CDCP1: variants seen among roughly 807,000 people sequenced by gnomAD.
CDCP1 encodes the protein CUB domain-containing protein 1.
A neutral mutation model predicts 60.2 loss-of-function variants in CDCP1; 29 were observed. The observed-to-expected ratio is 0.48, with a 90% CI of 0.36 to 0.66. The LOEUF is 0.66. CDCP1 is among the 30% of genes least tolerant of loss of function. The pLI is 0.00. For synonymous variants in CDCP1, 387 were observed against 431.1 expected, an observed-to-expected ratio of 0.90 and a Z score of 1.27; for missense variants, 876 against 1,074.3, an observed-to-expected ratio of 0.82 and a Z score of 2.58.
chr3:45,092,916 G>A (rs564161446), intron 6 of CDCP1, among the ~76,000 whole-genome samples: 9 of 152,272 alleles, frequency 5.9e-5, no homozygotes, highest in African/African-American at 1.9e-4. Context: ...AAAAATGTCT[G>A]CCTAAGGATT....
chr3:45,130,396 C>G (rs974897479), intron 1 of CDCP1, among the ~76,000 whole-genome samples: 4 of 152,184 alleles, frequency 2.6e-5, no homozygotes, highest in Non-Finnish European at 4.4e-5. Context: ...GCTGGGATTA[C>G]AGGCTTGAGG....
chr3:45,145,842 G>C (rs1487984893), intron 1 of CDCP1, among the ~76,000 whole-genome samples: 1 of 152,138 alleles, frequency 6.6e-6, no homozygotes, highest in Non-Finnish European at 1.5e-5. Context: ...TGGGGCGCAC[G>C]GCGCGCCACC....
At chr3:45,093,730 C>T (rs1576079834) in intron 5 of CDCP1, 73 bp from the exon 6 acceptor site, 1 of 1,525,424 alleles carries the variant, frequency 6.6e-7, no homozygotes. Flanking sequence ...CTCCCGTCAG[C>T]CTGAGGTTGG....
At position 45,137,350 on chromosome 3, in the gene CDCP1, C is replaced by T. The variant is rs192337105; in HGVS notation, c.82+8856G>A. On this transcript the variant is annotated intron_variant, in intron 1 of 8. Transcript: ENST00000296129. ...CAAGGAGGGGAAGATGCCAGTGGGA[C>T]ATACCTTCCCACCAGTATTCCAGGT... Among the ~76,000 whole-genome samples, 357 of 152,266 alleles carry T rather than the reference C, an allele frequency of 2.3e-3. 2 individuals carry two copies. The highest frequency in any genetic ancestry group is 8.3e-3 in the African/African-American group (345 of 41,560).
intron 1 of CDCP1, among the ~76,000 whole-genome samples, chr3:45,120,560 A>C (rs1458965962): frequency 6.6e-6 from 1 of 152,176 alleles, no homozygotes; most frequent in African/African-American, 2.4e-5. Context: ...AACTGGAAGA[A>C]TTCCCAACTA....
rs543004804 is a variant in CDCP1, at chr3:45,096,217, T to C, written c.1025-649A>G. Among the ~76,000 whole-genome samples, 3 of 152,314 alleles carry C rather than the reference T, an allele frequency of 2.0e-5. No individual in the cohort carries two copies. The South Asian group carries it at 6.2e-4, about 32-fold the overall frequency. ...GGAACCAAACAGTGTGACATGGCCA[T>C]GAGTGCCCACGTTTAACTGCAGCAC... On this transcript the variant is annotated intron_variant, in intron 4 of 8. Transcript: ENST00000296129.
At chr3:45,140,690 T>G (rs1699274181) in intron 1 of CDCP1, among the ~76,000 whole-genome samples, 2 of 152,214 alleles carry the variant, frequency 1.3e-5, no homozygotes, top group African/African-American at 4.8e-5. Flanking sequence ...CACGCAGACC[T>G]ACTCAAGACC....
At chr3:45,117,117 T>C (rs1322068142) in intron 2 of CDCP1, among the ~76,000 whole-genome samples, 1 of 152,216 alleles carries the variant, frequency 6.6e-6, no homozygotes, top group South Asian at 2.1e-4. Context: ...CCTTTTACTT[T>C]TGAATTCCTT....
chr3:45,145,846 C>T (rs1189371217), intron 1 of CDCP1, among the ~76,000 whole-genome samples: 2 of 152,144 alleles, frequency 1.3e-5, no homozygotes, highest in East Asian at 1.9e-4. Flanking sequence ...GCGCACGGCG[C>T]GCCACCTTGG....
intron 2 of CDCP1, among the ~76,000 whole-genome samples, chr3:45,117,520 C>A (rs189010887): frequency 2.8e-4 from 42 of 152,214 alleles, no homozygotes; most frequent in Admixed American, 9.2e-4. Context: ...CCAAACCCAA[C>A]TCCATCATTC....
Position 45,115,305 on chromosome 3 carries a change from T to C in CDCP1, c.293-2860A>G, listed in dbSNP as rs79613251. Among the ~76,000 whole-genome samples, 129 of 152,318 alleles carry C rather than the reference T, an allele frequency of 8.5e-4. 2 individuals are homozygous for C. The East Asian group carries it at 0.019, about 23-fold the overall frequency. The stretch of plus-strand genomic sequence containing the variant: ...TCACCTGTTCCCCTCTGCCATCCCC[T>C]ATAGAGTAGTATAAAGTTAGAATTT... On this transcript the variant is annotated intron_variant, in intron 2 of 8. Coordinates refer to ENST00000296129, the MANE Select transcript of CDCP1 (RefSeq NM_022842.5).
intron 2 of CDCP1, among the ~76,000 whole-genome samples, chr3:45,115,104 GGT>G (rs1698761540): frequency 6.6e-6 from 1 of 151,886 alleles, no homozygotes; most frequent in African/African-American, 2.4e-5. Context: ...TGGGTGTGGT[GGT>G]GTGTGCCCAG....
intron 1 of CDCP1, among the ~76,000 whole-genome samples, chr3:45,145,720 T>G (rs1287521837): frequency 6.6e-6 from 1 of 152,078 alleles, no homozygotes; most frequent in African/African-American, 2.4e-5. Context: ...GTGAAAGCAC[T>G]TTTTTTGCAC....
chr3:45,126,122 CTT>C lies in CDCP1; in HGVS notation c.83-7503_83-7502del, dbSNP rs1242260438. Among the ~76,000 whole-genome samples the C allele has an allele frequency of 8.9e-5, 12 of 135,346 alleles. No individual in the cohort carries two copies. The East Asian group carries it at 2.6e-3, about 29-fold the overall frequency. The allele number at this position is 135,346 out of a possible 152,430, so 88.8% of individuals were successfully genotyped here. A position where few individuals can be genotyped will look rare whatever the true frequency, so the allele number is the denominator to read the frequency against. On this transcript the variant is annotated intron_variant, in intron 1 of 8. Transcript: ENST00000296129. ...TTTGTCTCTCTCTCTTTCTTTCTTT[CTT>C]TCTTTCTTTCTTTCTTTCTTTCTTT...
chr3:45,100,128 T>G (rs970049805), intron 4 of CDCP1, among the ~76,000 whole-genome samples: 1 of 152,190 alleles, frequency 6.6e-6, no homozygotes, highest in Non-Finnish European at 1.5e-5. Context: ...GGGGAGCCCA[T>G]AACATCAATA....
At chr3:45,099,230 T>TA (rs1458399354) in intron 4 of CDCP1, among the ~76,000 whole-genome samples, 8 of 152,138 alleles carry the variant, frequency 5.3e-5, no homozygotes, top group Non-Finnish European at 8.8e-5. Flanking sequence ...CTTGTAGGTC[T>TA]AAAAATGTCT....
At position 45,110,717 on chromosome 3, in the gene CDCP1, C is replaced by T; in HGVS notation, c.780G>A (p.Leu260=). 1 of 1,614,186 alleles carries T rather than the reference C, an allele frequency of 6.2e-7. No individual in the cohort carries two copies. The highest frequency in any genetic ancestry group is 1.1e-5 in the South Asian group (1 of 91,078). ...MTWQFVVPAH[L]RASVSFLNFN... ...AGTTGAGGAAGGAGACGCTGGCCCG[C>T]AGGTGTGCAGGAACGACAAACTGCC... The change falls in exon 4 of 9, where the codon CTG becomes CTA. Residue 260 remains leucine, a synonymous_variant. Transcript: ENST00000296129.
chr3:45,100,595 T>C (rs1174699044), intron 4 of CDCP1, among the ~76,000 whole-genome samples: 2 of 152,246 alleles, frequency 1.3e-5, no homozygotes, highest in Non-Finnish European at 2.9e-5. Flanking sequence ...ACCTTTCTAC[T>C]CTATGAAATG....
At chr3:45,130,463 T>C (rs1699071568) in intron 1 of CDCP1, among the ~76,000 whole-genome samples, 1 of 152,146 alleles carries the variant, frequency 6.6e-6, no homozygotes, top group South Asian at 2.1e-4. Flanking sequence ...TTGCTAGCTA[T>C]GTGAAACTTT....
Sources: allele counts gnomAD v4.1 joint callset (sites outside exome capture counted in the v4.1 genomes callset), GRCh38; gene constraint gnomAD v4.1.1; transcripts MANE v1.5; gene names NCBI Gene and HGNC (gene_info 2026-07-23, HGNC 2026-07-21).